Variants in CATSPER4 observed in about 807,000 individuals in gnomAD.
CATSPER4 encodes the protein cation channel sperm-associated protein 4.
In CATSPER4, 46 loss-of-function variants were observed where a neutral mutation model predicts 54.4. The ratio of observed to expected loss-of-function variants is 0.84; its 90% CI spans 0.67 to 1.08. The LOEUF (loss-of-function observed/expected upper bound fraction) is 1.08. Ranked by LOEUF, CATSPER4 falls within the 50% of genes least tolerant of loss-of-function variation. The probability of loss-of-function intolerance (pLI) is 0.00; values close to 1 mark genes in which losing one functional copy is unlikely to be tolerated. For missense variants in CATSPER4, 574 were observed against 612.8 expected, an observed-to-expected ratio of 0.94 and a Z score of 0.67; for synonymous variants, 230 against 231.9, an observed-to-expected ratio of 0.99 and a Z score of 0.08.
chr1:26,200,891 G>A lies in CATSPER4; in HGVS notation c.1049G>A (p.Arg350His). The A allele has an allele frequency of 3.1e-6, 5 of 1,614,098 alleles. No individual in the cohort carries two copies. The highest frequency in any genetic ancestry group is 1.1e-5 in the South Asian group (1 of 91,092). The change falls in exon 8 of 10, where the codon CGC becomes CAC. Residue 350 changes from arginine to histidine, a missense_variant. Coordinates refer to ENST00000456354, the MANE Select transcript of CATSPER4 (RefSeq NM_198137.2). ...CCACTGGTGCATTGTGTGGTCGCCC[G>A]CTCGGAGAAATCTGGTCTCCTCCAG... is the stretch of plus-strand genomic sequence containing the variant. ...QLPLVHCVVA[R>H]SEKSGLLQEP...
At chr1:26,197,312 A>G (rs915014854) in intron 3 of CATSPER4, among the ~76,000 whole-genome samples, 3 of 152,104 alleles carry the variant, frequency 2.0e-5, no homozygotes, top group Non-Finnish European at 4.4e-5. Flanking sequence ...TTTATTATTA[A>G]TTGTAGTGTG....
intron 7 of CATSPER4, 72 bp downstream of exon 7, chr1:26,200,130 G>GCACA: frequency 6.7e-7 from 1 of 1,503,626 alleles, no homozygotes; most frequent in Non-Finnish European, 9.1e-7. Flanking sequence ...ATATGTGCAT[G>GCACA]TATGTGTGTG....
rs2088985902 is a variant in CATSPER4, at chr1:26,199,896, G to A, written c.825G>A (p.Arg275=). The A allele has an allele frequency of 6.2e-6, 10 of 1,614,062 alleles. No homozygotes were observed. Among genetic ancestry groups the A allele is most frequent in the Non-Finnish European group, 7.6e-6 (9 of 1,180,020 alleles). ...CTGCCATCTGCAGGACAGAGAAGAG[G>A]GAATATGCAATGGAGATTGGGGGTG... ...DIYSDFQTEK[R]EYAMEIGGAI... Residue 275 remains arginine, a synonymous_variant, in exon 7 of 10, where the codon AGG becomes AGA. Transcript: ENST00000456354.
chr1:26,190,631 A>G lies in CATSPER4; in HGVS notation c.4A>G (p.Arg2Gly). 6.2e-7 allele frequency: 1 copy of G among 1,601,434 alleles called. No individual in the cohort carries two copies. The highest frequency in any genetic ancestry group is 8.5e-7 in the Non-Finnish European group (1 of 1,179,510). Residue 2 changes from arginine (R) to glycine (G), a missense_variant, in exon 1 of 10, where the codon AGG (arginine) becomes GGG (glycine). Physicochemically the swap from Arg to Gly is moderately radical, Grantham distance 125. Coordinates refer to ENST00000456354, the MANE Select transcript of CATSPER4 (RefSeq NM_198137.2). M[R>G]DNEKAWWQQW... ...AGAAGGAAGAGACTGAGCAAACATG[A>G]GGGATAATGAAAAGGCCTGGTGGCA...
At chr1:26,192,708 T>G (rs924012262) in intron 2 of CATSPER4, among the ~76,000 whole-genome samples, 15 of 152,024 alleles carry the variant, frequency 9.9e-5, no homozygotes, top group African/African-American at 3.4e-4. Flanking sequence ...ATTATAGGTG[T>G]GAGCCACCAT....
intron 2 of CATSPER4, 113 bp from the exon 3 acceptor site, chr1:26,193,674 A>G: frequency 1.3e-6 from 1 of 767,782 alleles, no homozygotes; most frequent in Middle Eastern, 2.3e-4. Flanking sequence ...GAGGACCAAG[A>G]GCAGCAGTGA....
In CATSPER4 at chr1:26,197,678, C is replaced by T; in HGVS notation, c.460-8C>T. On this transcript the variant is annotated splice_region_variant and splice_polypyrimidine_tract_variant and intron_variant, in intron 3 of 9. Transcript: ENST00000456354. ...GACAGACCCCACTGGGGCTGGCCCA[C>T]TCCCCAGGACGGCTGGAACATCCTC... is the stretch of plus-strand genomic sequence containing the variant. 2 of 1,609,324 alleles carry T rather than the reference C, an allele frequency of 1.2e-6. No individual in the cohort carries two copies. Among genetic ancestry groups the T allele is most frequent in the Non-Finnish European group, 1.7e-6 (2 of 1,176,948 alleles).
chr1:26,191,125 G>A (rs1408864897), intron 1 of CATSPER4, among the ~76,000 whole-genome samples, 162 bp from the exon 2 acceptor site: 1 of 151,910 alleles, frequency 6.6e-6, no homozygotes, highest in Non-Finnish European at 1.5e-5. Flanking sequence ...TGGCCATTTA[G>A]ATAGTGATCT....
At chr1:26,195,037 T>C (rs973821364) in intron 3 of CATSPER4, among the ~76,000 whole-genome samples, 2 of 152,222 alleles carry the variant, frequency 1.3e-5, no homozygotes, top group African/African-American at 4.8e-5. Context: ...TGAGCTGAGA[T>C]TGCGCCACTG....
At chr1:26,201,977 C>T (rs2089014227) in intron 9 of CATSPER4, among the ~76,000 whole-genome samples, 2 of 152,224 alleles carry the variant, frequency 1.3e-5, no homozygotes, top group African/African-American at 4.8e-5. Context: ...GCGTGAGCCA[C>T]TGCACCTGGC....
chr1:26,201,617 A>G (rs535992083), intron 9 of CATSPER4, 98 bp downstream of exon 9: 10 of 1,216,174 alleles, frequency 8.2e-6, no homozygotes, highest in Admixed American at 1.7e-5. Flanking sequence ...GTTTCTGTCT[A>G]TTCCAAGATC....
intron 3 of CATSPER4, among the ~76,000 whole-genome samples, chr1:26,194,745 G>T (rs537133641): frequency 7.8e-4 from 119 of 152,272 alleles, no homozygotes; most frequent in African/African-American, 2.8e-3. Context: ...AGGAGGACTT[G>T]TGCTTACTGG....
intron 3 of CATSPER4, among the ~76,000 whole-genome samples, chr1:26,194,348 C>T (rs2088907832): frequency 1.3e-5 from 2 of 152,172 alleles, no homozygotes; most frequent in South Asian, 2.1e-4. Flanking sequence ...TTCGTGGACA[C>T]CCAAATTGGA....
Position 26,193,791 on chromosome 1 carries a change from A to G in CATSPER4, c.362A>G (p.His121Arg). The change falls in exon 3 of 10, where the codon CAC becomes CGC. Residue 121 changes from histidine (H) to arginine (R), a missense_variant. Coordinates refer to ENST00000456354, the MANE Select transcript of CATSPER4 (RefSeq NM_198137.2). ...TTTTCTCTGTCTCCCATGTAGAAAC[A>G]CTATGAGTTGTTCTCTACCATAGAT... ...LRTNSYLDQK[H>R]YELFSTIDDI... 6.2e-7 allele frequency: 1 copy of G among 1,608,382 alleles called. No homozygotes were observed. Among genetic ancestry groups the G allele is most frequent in the South Asian group, 1.1e-5 (1 of 90,950 alleles).
intron 5 of CATSPER4, 55 bp downstream of exon 5, chr1:26,198,132 G>C: frequency 6.8e-6 from 11 of 1,614,132 alleles, no homozygotes; most frequent in Non-Finnish European, 6.8e-6. Flanking sequence ...GGGCCCTTGG[G>C]TCATTGCAAA....
intron 3 of CATSPER4, among the ~76,000 whole-genome samples, chr1:26,196,093 C>G (rs918553942): frequency 6.6e-6 from 1 of 151,378 alleles, no homozygotes; most frequent in South Asian, 2.1e-4. Context: ...TGGATCCTGA[C>G]AATCTTTCTA....
chr1:26,198,984 C>G (rs1221508884), intron 6 of CATSPER4, among the ~76,000 whole-genome samples: 1 of 152,200 alleles, frequency 6.6e-6, no homozygotes, highest in Non-Finnish European at 1.5e-5. Flanking sequence ...CAGTCATTCT[C>G]CATTATGGCA....
rs2088956824 is a variant in CATSPER4 at position 26,197,633 on chromosome 1, T to C, written c.460-53T>C. 13 of 1,259,406 alleles carry C rather than the reference T, an allele frequency of 1.0e-5. No individual in the cohort carries two copies. In the South Asian group the frequency reaches 1.4e-4, roughly 14 times the overall value. The allele number at this position is 1,259,406 out of a possible 1,614,324, so 78.0% of individuals were successfully genotyped here. ...GGATGTGGGGAGGGCAGACCTAGGA[T>C]GCCCCCATGGGCTGGGCCTGACAGA... On this transcript the variant is annotated intron_variant, in intron 3 of 9. Coordinates refer to ENST00000456354, the MANE Select transcript of CATSPER4 (RefSeq NM_198137.2).
At chr1:26,197,061 C>T (rs1385506410) in intron 3 of CATSPER4, among the ~76,000 whole-genome samples, 1 of 152,060 alleles carries the variant, frequency 6.6e-6, no homozygotes, top group Non-Finnish European at 1.5e-5. Context: ...GCACGTGCCA[C>T]CATGCCCAGA....
Sources: gnomAD v4.1 joint callset for allele counts (sites outside exome capture counted in the v4.1 genomes callset) on GRCh38, gnomAD v4.1.1 for gene constraint, MANE v1.5 for transcripts, NCBI Gene and HGNC (gene_info 2026-07-23, HGNC 2026-07-21) for gene names.